IARS1: variants seen among roughly 807,000 people sequenced by gnomAD.
The protein encoded by IARS1 is isoleucine--tRNA ligase, cytoplasmic.
A neutral mutation model predicts 168.2 loss-of-function variants in IARS1; 124 were observed. That is an observed-to-expected ratio of 0.74 (90% CI 0.64 to 0.86). IARS1 has a LOEUF of 0.86. IARS1 is among the 40% of genes least tolerant of loss of function. The pLI is 0.00. For synonymous variants in IARS1, 532 were observed against 529.4 expected, an observed-to-expected ratio of 1.00 and a Z score of -0.07; for missense variants, 1,452 against 1,515.8, an observed-to-expected ratio of 0.96 and a Z score of 0.70.
At chr9:92,219,284 C>G (rs922532623) in intron 33 of IARS1, among the ~76,000 whole-genome samples, 1 of 152,162 alleles carries the variant, frequency 6.6e-6, no homozygotes, top group African/African-American at 2.4e-5. Context: ...GGATTAAAGA[C>G]TTAAACATTA....
intron 21 of IARS1, among the ~76,000 whole-genome samples, chr9:92,252,764 CAAAAA>C (rs34983021): frequency 6.0e-3 from 162 of 27,196 alleles, no homozygotes; most frequent in African/African-American, 0.022. Flanking sequence ...AACTCCTTCT[CAAAAA>C]AAAAAAAAAA....
At chr9:92,270,593 G>C (rs1832881981) in intron 12 of IARS1, among the ~76,000 whole-genome samples, 1 of 152,112 alleles carries the variant, frequency 6.6e-6, no homozygotes, top group African/African-American at 2.4e-5. Flanking sequence ...CCAGTAGTTT[G>C]AGACCAGCCT....
At chr9:92,265,579 G>A in intron 14 of IARS1, 26 bp from the exon 15 acceptor site, 4 of 1,590,188 alleles carry the variant, frequency 2.5e-6, no homozygotes, top group Non-Finnish European at 3.5e-6. Flanking sequence ...TTCAATAGCA[G>A]GAGCTCCTTA....
chr9:92,246,341 C>T (rs1829194162), intron 26 of IARS1, among the ~76,000 whole-genome samples: 1 of 152,174 alleles, frequency 6.6e-6, no homozygotes, highest in South Asian at 2.1e-4. Context: ...TCAGAGGAAG[C>T]CGTAACAATA....
At position 92,210,737 on chromosome 9, in the gene IARS1, A is replaced by G. The variant is rs1837605794; in HGVS notation, c.*70T>C. 1 of 850,556 alleles carries G rather than the reference A, an allele frequency of 1.2e-6. No individual in the cohort carries two copies. The highest frequency in any genetic ancestry group is 1.3e-5 in the South Asian group (1 of 74,350). 52.7% of individuals were successfully genotyped at this position (850,556 alleles called of 1,614,324 possible). A position where few individuals can be genotyped will look rare whatever the true frequency, so the allele number is the denominator to read the frequency against. ...CTTCAGTGTGTTCATGTGTGTGTCTATGTGCATGTATGTGTAGGGGATAGG... is the reference window on the plus strand; with the variant it reads ...CTTCAGTGTGTTCATGTGTGTGTCTGTGTGCATGTATGTGTAGGGGATAGG... On this transcript the variant is annotated 3_prime_UTR_variant, in exon 34 of 34. Coordinates refer to ENST00000443024, the MANE Select transcript of IARS1 (RefSeq NM_002161.6).
chr9:92,239,736 T>A (rs968232739), intron 30 of IARS1, among the ~76,000 whole-genome samples: 3 of 152,108 alleles, frequency 2.0e-5, no homozygotes, highest in African/African-American at 7.2e-5. Flanking sequence ...AGGATGAAAG[T>A]CCCAGCTTCC....
In IARS1 at chr9:92,250,280, C is replaced by T. The variant is rs755090634; in HGVS notation, c.2439G>A (p.Leu813=). 6.3e-7 allele frequency: 1 copy of T among 1,593,446 alleles called. No individual in the cohort carries two copies. The highest frequency in any genetic ancestry group is 8.6e-7 in the Non-Finnish European group (1 of 1,161,394). The part of the protein sequence containing the change: ...YLMLPRVREE[L]IDKKTESAVS... ...CTGCACTCTCTGTTTTCTTGTCAAT[C>T]AATTCTTCTCTGAGTGGTAGAGGTA... Residue 813 remains leucine (L), a synonymous_variant, in exon 24 of 34, where the codon TTG becomes TTA. Transcript: ENST00000443024.
At position 92,288,472 on chromosome 9, in the gene IARS1, TAC is replaced by T. The variant is rs532483455; in HGVS notation, c.120-192_120-191del. Among the ~76,000 whole-genome samples, 5 of 152,334 alleles carry T rather than the reference TAC, an allele frequency of 3.3e-5. No individual in the cohort carries two copies. The East Asian group carries it at 5.8e-4, about 18-fold the overall frequency. Reference sequence around the variant, plus strand: ...AGAAAGGCTACAATTGTGGTAGAGCTACAGAGACCTCCATTTGATTATCCATT... The same window carrying T: ...AGAAAGGCTACAATTGTGGTAGAGCTAGAGACCTCCATTTGATTATCCATT... On this transcript the variant is annotated intron_variant, in intron 2 of 33. Coordinates refer to ENST00000443024, the MANE Select transcript of IARS1 (RefSeq NM_002161.6).
Position 92,245,075 on chromosome 9 carries a change from T to G in IARS1, c.2792-4A>C. On this transcript the variant is annotated splice_region_variant and splice_polypyrimidine_tract_variant and intron_variant, in intron 26 of 33. Transcript: ENST00000443024. The stretch of plus-strand genomic sequence containing the variant: ...TGGCCTTCCACAACAATGGTCCCTA[T>G]GGAGAAGCAGCTACACTGTTAATCA... The G allele has an allele frequency of 6.2e-7, 1 of 1,612,738 alleles. No individual in the cohort carries two copies. Among genetic ancestry groups the G allele is most frequent in the Non-Finnish European group, 8.5e-7 (1 of 1,178,744 alleles).
In IARS1 at chr9:92,258,905, T is replaced by C. The variant is rs1014512249; in HGVS notation, c.1965A>G (p.Pro655=). Residue 655 remains proline (P), a synonymous_variant, in exon 19 of 34, where the codon CCA becomes CCG. Coordinates refer to ENST00000443024, the MANE Select transcript of IARS1 (RefSeq NM_002161.6). ...VRDVLKDVLL[P]WYNAYRFLIQ... is the part of the protein sequence containing the mutation. ...TTAAGAAGCGATAGGCATTGTACCA[T>C]GGGAGCAGTACATCCTTAAGGACGT... 3.1e-6 allele frequency: 5 copies of C among 1,613,886 alleles called. No individual in the cohort carries two copies. In the East Asian group the frequency reaches 6.7e-5, roughly 22 times the overall value.
At chr9:92,263,185 T>C (rs1831778316) in intron 16 of IARS1, 130 bp from the exon 17 acceptor site, 1 of 644,806 alleles carries the variant, frequency 1.6e-6, no homozygotes. Flanking sequence ...AAAGCAATGA[T>C]TCTTAATCCT....
Position 92,260,230 on chromosome 9 carries a change from C to A in IARS1, c.1792G>T (p.Gly598Cys). ...IVNGLVLASD[G>C]QKMSKRKKNY... Reference sequence around the variant, plus strand: ...TTTTTCCGTTTGCTCATTTTTTGGCCATCACTTGTAAAACAAAAGGGAGAT... The same window carrying A: ...TTTTTCCGTTTGCTCATTTTTTGGCAATCACTTGTAAAACAAAAGGGAGAT... Residue 598 changes from glycine to cysteine, a missense_variant, in exon 18 of 34, where the codon GGC becomes TGC. Gly to Cys is a radical substitution (Grantham distance 159). Coordinates refer to ENST00000443024, the MANE Select transcript of IARS1 (RefSeq NM_002161.6). 6.2e-7 allele frequency: 1 copy of A among 1,612,398 alleles called. No homozygotes were observed. The highest frequency in any genetic ancestry group is 8.5e-7 in the Non-Finnish European group (1 of 1,178,444).
In IARS1 at chr9:92,244,973, G is replaced by A; in HGVS notation, c.2890C>T (p.His964Tyr). Residue 964 changes from histidine (H) to tyrosine (Y), a missense_variant, in exon 27 of 34, where the codon CAC becomes TAC. Coordinates refer to ENST00000443024, the MANE Select transcript of IARS1 (RefSeq NM_002161.6). Reference protein sequence around the residue: ...ATGGTAQFEAHSDAQALVLLD... With the variant: ...ATGGTAQFEAYSDAQALVLLD... ...CAGAAAAATACCTGAGCATCTGAGT[G>A]TGCTTCAAATTGCGCAGTCCCACCT... 1 of 1,613,724 alleles carries A rather than the reference G, an allele frequency of 6.2e-7. No homozygotes were observed. The highest frequency in any genetic ancestry group is 8.5e-7 in the Non-Finnish European group (1 of 1,179,616).
intron 29 of IARS1, among the ~76,000 whole-genome samples, chr9:92,241,667 G>A (rs1828422975): frequency 6.6e-6 from 1 of 152,108 alleles, no homozygotes; most frequent in Admixed American, 6.6e-5. Flanking sequence ...TAAGTTATAA[G>A]CCAATATCTT....
chr9:92,214,227 C>T (rs941400986), intron 33 of IARS1, among the ~76,000 whole-genome samples: 1 of 151,766 alleles, frequency 6.6e-6, no homozygotes, highest in African/African-American at 2.4e-5. Flanking sequence ...ACAAGCAGAG[C>T]AGACGGGCAA....
At chr9:92,215,466 A>G (rs1254379675) in intron 33 of IARS1, among the ~76,000 whole-genome samples, 2 of 152,200 alleles carry the variant, frequency 1.3e-5, no homozygotes, top group Admixed American at 6.5e-5. Flanking sequence ...AGACGATCAA[A>G]TTACTCTGAG....
Position 92,274,516 on chromosome 9 carries a change from T to C in IARS1, c.900A>G (p.Lys300=). 9 of 1,612,046 alleles carry C rather than the reference T, an allele frequency of 5.6e-6. No individual in the cohort carries two copies. The highest frequency in any genetic ancestry group is 7.6e-6 in the Non-Finnish European group (9 of 1,178,182). The change falls in exon 10 of 34, where the codon AAA becomes AAG. Residue 300 remains lysine, a synonymous_variant. Transcript: ENST00000443024. Reference sequence around the variant, plus strand: ...CAAGCACAGTGAAAGCGCCATTCTCTTTACACTGGAAAGAAAGGACAGCAG... The same window carrying C: ...CAAGCACAGTGAAAGCGCCATTCTCCTTACACTGGAAAGAAAGGACAGCAG... ...RPLFDYFLKC[K]ENGAFTVLVD...
rs1410510394 is a variant in IARS1 at position 92,210,434 on chromosome 9, A to C, written c.*373T>G. ...AATCCAGGTGGCAGAAATATATAAT[A>C]TGTCCATTTCATCAAGAGGTCTCAA... On this transcript the variant is annotated 3_prime_UTR_variant, in exon 34 of 34. Coordinates refer to ENST00000443024, the MANE Select transcript of IARS1 (RefSeq NM_002161.6). 1 of 158,684 alleles carries C rather than the reference A, an allele frequency of 6.3e-6. No individual in the cohort carries two copies. Among genetic ancestry groups the C allele is most frequent in the South Asian group, 2.0e-4 (1 of 4,988 alleles). The allele number at this position is 158,684 out of a possible 1,614,324, so 9.8% of individuals were successfully genotyped here.
intron 23 of IARS1, 114 bp from the exon 24 acceptor site, chr9:92,250,403 C>T (rs1587794507): frequency 4.1e-6 from 3 of 738,516 alleles, no homozygotes; most frequent in Non-Finnish European, 7.0e-6. Context: ...TGGCTAGGCC[C>T]TCCTGGTGAA....
Sources: gnomAD v4.1 joint callset for allele counts (sites outside exome capture counted in the v4.1 genomes callset) on GRCh38, gnomAD v4.1.1 for gene constraint, MANE v1.5 for transcripts, NCBI Gene and HGNC (gene_info 2026-07-23, HGNC 2026-07-21) for gene names.